Variants in PFKL observed in about 807,000 individuals in gnomAD.
PFKL encodes phosphofructokinase, liver type, also known as ATP-dependent 6-phosphofructokinase, liver type.
Under a neutral mutation model 92.1 loss-of-function variants are expected in PFKL, and 74 were observed. That is an observed-to-expected ratio of 0.80 (90% CI 0.67 to 0.97). The LOEUF (loss-of-function observed/expected upper bound fraction) is 0.97. PFKL is among the 50% of genes least tolerant of loss of function. The probability of loss-of-function intolerance (pLI) is 0.00; values close to 1 mark genes in which losing one functional copy is unlikely to be tolerated. For synonymous variants in PFKL, 494 were observed against 456.4 expected, an observed-to-expected ratio of 1.08 and a Z score of -1.05; for missense variants, 1,028 against 1,116.6, an observed-to-expected ratio of 0.92 and a Z score of 1.13.
Position 44,312,137 on chromosome 21 carries a change from G to A in PFKL, c.270G>A (p.Lys90=). Residue 90 remains lysine, a synonymous_variant, in exon 4 of 22, where the codon AAG becomes AAA. Coordinates refer to ENST00000349048, the MANE Select transcript of PFKL (RefSeq NM_002626.6). ...GGTIIGSARC[K]AFTTREGRRA... ...CTATCATTGGCAGCGCTCGCTGCAA[G>A]GCCTTTACCACCAGGGAGGGGCGCC... 6.3e-7 allele frequency: 1 copy of A among 1,582,450 alleles called. No individual in the cohort carries two copies. The highest frequency in any genetic ancestry group is 1.1e-5 in the South Asian group (1 of 87,262).
At chr21:44,325,866 G>A (rs1333594866) in intron 19 of PFKL, 95 bp from the exon 20 acceptor site, 20 of 837,734 alleles carry the variant, frequency 2.4e-5, no homozygotes, top group Non-Finnish European at 1.7e-5. Flanking sequence ...CAAGCTGCCT[G>A]GGAGGCTCCC....
In PFKL at chr21:44,316,154, G is replaced by A. The variant is rs1352974176; in HGVS notation, c.748-90G>A. 5 of 1,176,852 alleles carry A rather than the reference G, an allele frequency of 4.2e-6. No individual in the cohort carries two copies. In the African/African-American group the frequency reaches 6.0e-5, roughly 14 times the overall value. The allele number at this position is 1,176,852 out of a possible 1,614,324, so 72.9% of individuals were successfully genotyped here. Reference sequence around the variant, plus strand: ...CTGGCCCATGTGGGTTGGGAATGGTGGCCCCAGGGAGGGCTCCTGGCACCC... The same window carrying A: ...CTGGCCCATGTGGGTTGGGAATGGTAGCCCCAGGGAGGGCTCCTGGCACCC... On this transcript the variant is annotated intron_variant, in intron 7 of 21. Coordinates refer to ENST00000349048, the MANE Select transcript of PFKL (RefSeq NM_002626.6).
At chr21:44,320,285 GGCCTGACCTCT>G in intron 12 of PFKL, 138 bp downstream of exon 12, 1 of 665,250 alleles carries the variant, frequency 1.5e-6, no homozygotes, top group South Asian at 2.0e-5. Context: ...TGGGAGGGTG[GGCCTGACCTCT>G]GCCTGGGCTC....
In PFKL at chr21:44,316,413, C is replaced by T; in HGVS notation, c.844-19C>T. On this transcript the variant is annotated intron_variant, in intron 8 of 21. Transcript: ENST00000349048. Reference sequence around the variant, plus strand: ...GTGTGGGCTGGGGCTCAGGGCTGGTCCTTCCCACTGTCCTGCAGCTGGTGG... The same window carrying T: ...GTGTGGGCTGGGGCTCAGGGCTGGTTCTTCCCACTGTCCTGCAGCTGGTGG... The T allele has an allele frequency of 6.2e-7, 1 of 1,612,470 alleles. No homozygotes were observed. The highest frequency in any genetic ancestry group is 8.5e-7 in the Non-Finnish European group (1 of 1,179,316).
At chr21:44,305,956 G>A (rs995570858) in intron 1 of PFKL, 2 of 1,328,496 alleles carry the variant, frequency 1.5e-6, no homozygotes, top group East Asian at 1.0e-4. Flanking sequence ...CTGAGGCCCT[G>A]GGGCAGGGCA....
At position 44,321,762 on chromosome 21, in the gene PFKL, G is replaced by A; in HGVS notation, c.1225G>A (p.Ala409Thr). The change falls in exon 13 of 22, where the codon GCC (alanine) becomes ACC (threonine). Residue 409 changes from alanine to threonine, a missense_variant. By Grantham distance (58) the Ala-to-Thr change is moderately conservative. Coordinates refer to ENST00000349048, the MANE Select transcript of PFKL (RefSeq NM_002626.6). The part of the protein sequence containing the change: ...NFSLAILNVG[A>T]PAAGMNAAVR... Reference sequence around the variant, plus strand: ...CTCCCTGGCCATCCTGAATGTGGGGGCCCCGGCGGCTGGCATGAATGCGGC... The same window carrying A: ...CTCCCTGGCCATCCTGAATGTGGGGACCCCGGCGGCTGGCATGAATGCGGC... 6.3e-7 allele frequency: 1 copy of A among 1,592,412 alleles called. No individual in the cohort carries two copies. Among genetic ancestry groups the A allele is most frequent in the Non-Finnish European group, 8.5e-7 (1 of 1,170,238 alleles).
intron 1 of PFKL, among the ~76,000 whole-genome samples, chr21:44,300,491 G>A (rs2040740474): frequency 6.6e-6 from 1 of 152,294 alleles, no homozygotes; most frequent in East Asian, 1.9e-4. Flanking sequence ...AGGAGTCCCC[G>A]AGGCCACGCG....
At position 44,319,936 on chromosome 21, in the gene PFKL, T is replaced by C. The variant is rs375182165; in HGVS notation, c.1128-148T>C. 197 of 680,188 alleles carry C rather than the reference T, an allele frequency of 2.9e-4. No individual in the cohort carries two copies. In the African/African-American group the frequency reaches 3.3e-3, roughly 11 times the overall value. 42.1% of individuals were successfully genotyped at this position (680,188 alleles called of 1,614,324 possible). ...CACCTTCTGTGGAAGGTGCCCTGCC[T>C]GGCATGCGCGGTGTCTGCTGCCTCA... On this transcript the variant is annotated intron_variant, in intron 11 of 21. Transcript: ENST00000349048.
At chr21:44,325,012 A>AGG in intron 18 of PFKL, 95 bp downstream of exon 18, 1 of 1,311,440 alleles carries the variant, frequency 7.6e-7, no homozygotes. Flanking sequence ...AGAAGGCAGG[A>AGG]GGGGTCCTTG....
In PFKL at chr21:44,323,862, G is replaced by A. The variant is rs775938978; in HGVS notation, c.1594G>A (p.Val532Ile). The A allele has an allele frequency of 5.6e-6, 9 of 1,613,462 alleles. No homozygotes were observed. The highest frequency in any genetic ancestry group is 6.8e-6 in the Non-Finnish European group (8 of 1,179,974). The part of the protein sequence containing the change: ...CVIPATISNN[V>I]PGTDFSLGSD... ...CATCCCAGCCACCATCAGCAACAACGTCCCTGGCACCGACTTCAGCCTGGG... is the reference window on the plus strand; with the variant it reads ...CATCCCAGCCACCATCAGCAACAACATCCCTGGCACCGACTTCAGCCTGGG... The change falls in exon 16 of 22, where the codon GTC becomes ATC. Residue 532 changes from valine to isoleucine, a missense_variant. Val to Ile is a conservative substitution (Grantham distance 29). Coordinates refer to ENST00000349048, the MANE Select transcript of PFKL (RefSeq NM_002626.6).
At chr21:44,304,682 AGCTGTCTGGGGGGGGCTCG>A (rs1162546811) in intron 1 of PFKL, among the ~76,000 whole-genome samples, 69 of 111,920 alleles carry the variant, frequency 6.2e-4, no homozygotes, top group African/African-American at 2.3e-3. Context: ...GGGGTGGCTC[AGCTGTCTGGGGGGGGCTCG>A]GCTGTCTGTC....
chr21:44,304,781 G>A (rs1168709929), intron 1 of PFKL, among the ~76,000 whole-genome samples: 2 of 143,436 alleles, frequency 1.4e-5, no homozygotes, highest in Non-Finnish European at 3.0e-5. Context: ...GGGGGAGCTT[G>A]TCTGTCTGTC....
At chr21:44,310,449 C>T (rs1166448719) in intron 2 of PFKL, among the ~76,000 whole-genome samples, 3 of 152,192 alleles carry the variant, frequency 2.0e-5, no homozygotes, top group Admixed American at 6.5e-5. Context: ...GGGGGCCCGC[C>T]TGTAGGGAGG....
chr21:44,322,981 C>A lies in PFKL; in HGVS notation c.1429C>A (p.Leu477Met). The A allele has an allele frequency of 6.2e-7, 1 of 1,612,396 alleles. No individual in the cohort carries two copies. The highest frequency in any genetic ancestry group is 2.2e-5 in the East Asian group (1 of 44,842). Residue 477 changes from leucine to methionine, a missense_variant, in exon 15 of 22, where the codon CTG (leucine) becomes ATG (methionine). By Grantham distance (15) the Leu-to-Met change is conservative (BLOSUM62 2). Transcript: ENST00000349048. ...CTGCAGGACCCTGCCCAAGGGCCAG[C>A]TGGAGTCCATTGTGGAGAACATCCG... ...GTKRTLPKGQ[L>M]ESIVENIRIY...
intron 15 of PFKL, 75 bp downstream of exon 15, chr21:44,323,124 C>A: frequency 1.6e-6 from 2 of 1,248,898 alleles, no homozygotes; most frequent in Admixed American, 1.7e-5. Context: ...GGGGGCCCAT[C>A]CTGAAAACCC....
At position 44,316,434 on chromosome 21, in the gene PFKL, G is replaced by A. The variant is rs933961402; in HGVS notation, c.846G>A (p.Leu282=). 6.2e-7 allele frequency: 1 copy of A among 1,612,196 alleles called. No individual in the cohort carries two copies. Among genetic ancestry groups the A allele is most frequent in the Admixed American group, 1.7e-5 (1 of 59,990 alleles). The part of the protein sequence containing the change: ...KPISSSYVKD[L]VVQRLGFDTR... ...TGGTCCTTCCCACTGTCCTGCAGCT[G>A]GTGGTTCAGAGGCTGGGCTTCGACA... is the stretch of plus-strand genomic sequence containing the variant. The change falls in exon 9 of 22, where the codon CTG becomes CTA. Residue 282 remains leucine (L), a splice_region_variant and synonymous_variant. Transcript: ENST00000349048.
intron 3 of PFKL, among the ~76,000 whole-genome samples, chr21:44,311,318 A>G (rs570731344): frequency 6.7e-6 from 1 of 148,758 alleles, no homozygotes; most frequent in African/African-American, 2.6e-5. Context: ...ACACGTGCAC[A>G]GACACACACA....
rs1277406033 is a variant in PFKL, at chr21:44,312,100, T to G, written c.238-5T>G. ...CTCCTGAAGTTTCTGGTCTCCTCTG[T>G]GCAGGGCGGCACTATCATTGGCAGC... On this transcript the variant is annotated splice_polypyrimidine_tract_variant and splice_region_variant and intron_variant, in intron 3 of 21. Transcript: ENST00000349048. 1 of 1,524,978 alleles carries G rather than the reference T, an allele frequency of 6.6e-7. No homozygotes were observed. Among genetic ancestry groups the G allele is most frequent in the Non-Finnish European group, 8.8e-7 (1 of 1,136,044 alleles). 94.5% of individuals were successfully genotyped at this position (1,524,978 alleles called of 1,614,324 possible). A position where few individuals can be genotyped will look rare whatever the true frequency, so the allele number is the denominator to read the frequency against.
intron 7 of PFKL, 132 bp from the exon 8 acceptor site, chr21:44,316,112 T>C (rs2847231): frequency 0.49 from 376,990 of 767,860 alleles, 94,656 homozygotes; most frequent in South Asian, 0.64. Flanking sequence ...TTCCTCCTGC[T>C]GGGTGGGGAT....
Sources: gnomAD v4.1 joint callset for allele counts (sites outside exome capture counted in the v4.1 genomes callset) on GRCh38, gnomAD v4.1.1 for gene constraint, MANE v1.5 for transcripts, NCBI Gene and HGNC (gene_info 2026-07-23, HGNC 2026-07-21) for gene names.